Variants in LRP4 observed in about 807,000 individuals in gnomAD.
LRP4 encodes low-density lipoprotein receptor-related protein 4.
A neutral mutation model predicts 220.3 loss-of-function variants in LRP4; 95 were observed. The ratio of observed to expected loss-of-function variants is 0.43; its 90% confidence interval spans 0.37 to 0.51. LRP4 has a LOEUF of 0.51. LRP4 is among the 20% of genes least tolerant of loss of function. LRP4 has a pLI of 0.00. For synonymous variants in LRP4, 903 were observed against 954.6 expected (o/e 0.95, Z 1.00); for missense variants, 1,925 against 2,567.0 (o/e 0.75, Z 5.40).
rs2134838067 is a variant in LRP4 at position 46,890,003 on chromosome 11, C to T, written c.2033G>A (p.Arg678His). Residue 678 changes from arginine to histidine, a missense_variant, in exon 15 of 38, where the codon CGC (arginine) becomes CAC (histidine). Around this residue, in one of 3 missense-constraint regions of LRP4, gnomAD observed 1,244 missense variants for 1,624.9 expected, o/e 0.77. Coordinates refer to ENST00000378623, the MANE Select transcript of LRP4 (RefSeq NM_002334.4). This position sits in a 1 kb window ranked among gnomAD's most constrained non-coding sequence, Gnocchi z 5.3. ...KFTGKNQEII[R>H]NKLHFPMDIH... ...GTCCATAGGGAAGTGGAGTTTGTTG[C>T]GAATGATTTCCTGGTTCTTCCCCGT... 2 of 1,614,058 alleles carry T rather than the reference C, an allele frequency of 1.2e-6. No homozygotes were observed. The highest frequency in any genetic ancestry group is 1.1e-5 in the South Asian group (1 of 91,070).
At chr11:46,906,888 C>T (rs777711453) in intron 1 of LRP4, among the ~76,000 whole-genome samples, 2 of 152,110 alleles carry the variant, frequency 1.3e-5, no homozygotes, top group African/African-American at 2.4e-5. Context: ...TCTCAGCGTC[C>T]GCTGCAGTGA....
chr11:46,883,172 T>C (rs776978513), intron 19 of LRP4, among the ~76,000 whole-genome samples: 6 of 152,206 alleles, frequency 3.9e-5, no homozygotes, highest in Non-Finnish European at 7.3e-5. Context: ...AAAGAAAGAA[T>C]TGAAAAGTTT....
At chr11:46,901,412 T>C (rs943778361) in intron 2 of LRP4, among the ~76,000 whole-genome samples, 1 of 152,220 alleles carries the variant, frequency 6.6e-6, no homozygotes, top group Admixed American at 6.5e-5. Context: ...GAAGTCTTTT[T>C]GGCTGTACAA....
At chr11:46,863,778 T>A (rs1565774898) in intron 36 of LRP4, among the ~76,000 whole-genome samples, 4 of 150,756 alleles carry the variant, frequency 2.7e-5, no homozygotes, top group African/African-American at 9.7e-5. Context: ...AGACAAAAAT[T>A]AAAAAAAATA....
At chr11:46,876,414 C>T (rs764200509) in intron 25 of LRP4, 52 bp downstream of exon 25, 4 of 1,608,926 alleles carry the variant, frequency 2.5e-6, no homozygotes, top group Non-Finnish European at 3.4e-6. Flanking sequence ...CCGTCATAAC[C>T]CCAGCTGAGC....
chr11:46,895,388 A>G, intron 10 of LRP4, 97 bp from the exon 11 acceptor site: 1 of 1,534,156 alleles, frequency 6.5e-7, no homozygotes, highest in Non-Finnish European at 8.9e-7. Context: ...ATCCCCATCT[A>G]CTTTCCAGGC....
chr11:46,866,203 G>A (rs1018212810), intron 34 of LRP4, among the ~76,000 whole-genome samples: 2 of 151,242 alleles, frequency 1.3e-5, no homozygotes, highest in Non-Finnish European at 2.9e-5. Context: ...AACATTAAGA[G>A]TAAATTATAT....
chr11:46,889,346 C>G, intron 16 of LRP4, 65 bp downstream of exon 16: 3 of 1,604,466 alleles, frequency 1.9e-6, no homozygotes, highest in Non-Finnish European at 2.6e-6. Context: ...CACGTCCTAT[C>G]CCTTGTTCCT....
intron 6 of LRP4, 72 bp from the exon 7 acceptor site, chr11:46,898,749 C>G: frequency 6.2e-7 from 1 of 1,607,630 alleles, no homozygotes; most frequent in South Asian, 1.1e-5. Flanking sequence ...AGGCCACAGC[C>G]CCAGAATCCC....
rs780197238 is a variant in LRP4, at chr11:46,890,065, G to A, written c.1971C>T (p.Asp657=). Residue 657 remains aspartate, a synonymous_variant, in exon 15 of 38, where the codon GAC becomes GAT. Coordinates refer to ENST00000378623, the MANE Select transcript of LRP4 (RefSeq NM_002334.4). The surrounding 1 kb of genome is among the most constrained non-coding windows in gnomAD (Gnocchi z 5.3). The part of the protein sequence containing the change: ...TVFEDSLYWT[D]WHTKSINSAN... ...CGCTATTGATGCTCTTGGTGTGCCA[G>A]TCTGTCCAGTACAGGCTGTCTTCAA... The A allele has an allele frequency of 8.1e-6, 13 of 1,614,220 alleles. No homozygotes were observed. The East Asian group carries it at 2.9e-4, about 36-fold the overall frequency.
intron 18 of LRP4, among the ~76,000 whole-genome samples, chr11:46,884,297 G>T (rs1355482977): frequency 1.3e-5 from 2 of 152,116 alleles, no homozygotes; most frequent in Non-Finnish European, 2.9e-5. Flanking sequence ...AACACCCAAA[G>T]ATTTTTTTTA....
intron 1 of LRP4, among the ~76,000 whole-genome samples, chr11:46,906,556 G>A (rs1191116303): frequency 6.6e-6 from 1 of 152,184 alleles, no homozygotes; most frequent in Non-Finnish European, 1.5e-5. Context: ...TGGAGGCTGG[G>A]GTGTGCAGAT....
At chr11:46,868,300 T>C (rs1940756765) in intron 33 of LRP4, among the ~76,000 whole-genome samples, 186 bp from the exon 34 acceptor site, 1 of 152,186 alleles carries the variant, frequency 6.6e-6, no homozygotes, top group South Asian at 2.1e-4. Context: ...TAGCTCTGGA[T>C]GGGACAGCTG....
In LRP4 at chr11:46,873,251, C is replaced by CCAT; in HGVS notation, c.4449-20_4449-18dup. 1 of 1,614,140 alleles carries CCAT rather than the reference C, an allele frequency of 6.2e-7. No individual in the cohort carries two copies. Among genetic ancestry groups the CCAT allele is most frequent in the Non-Finnish European group, 8.5e-7 (1 of 1,180,014 alleles). On this transcript the variant is annotated splice_polypyrimidine_tract_variant and intron_variant, in intron 29 of 37. Transcript: ENST00000378623. The surrounding 1 kb of genome is among the most constrained non-coding windows in gnomAD (Gnocchi z 4.2). ...AAGAGGTACCTGAGACACAACAGTG[C>CCAT]CATCATCATCAAGGCATGGGAAGAC...
chr11:46,896,724 G>T, intron 8 of LRP4, 145 bp downstream of exon 8: 2 of 1,176,328 alleles, frequency 1.7e-6, no homozygotes, highest in Non-Finnish European at 2.5e-6. Context: ...TGTGCTCCAG[G>T]CCATAAGGCC....
chr11:46,878,614 T>C (rs917983828), intron 22 of LRP4, among the ~76,000 whole-genome samples: 1 of 152,018 alleles, frequency 6.6e-6, no homozygotes. Context: ...ATTATGACAA[T>C]GTACTAAGAG....
chr11:46,868,216 G>T, intron 33 of LRP4, 102 bp from the exon 34 acceptor site: 1 of 1,427,816 alleles, frequency 7.0e-7, no homozygotes, highest in Non-Finnish European at 9.8e-7. Flanking sequence ...TCTTTTAGCT[G>T]CCCTAGTCCC....
At chr11:46,909,317 G>C (rs549587992) in intron 1 of LRP4, among the ~76,000 whole-genome samples, 33 of 151,630 alleles carry the variant, frequency 2.2e-4, no homozygotes, top group South Asian at 1.3e-3. Context: ...ATGAGAAAAG[G>C]AGGAATCGGC....
intron 36 of LRP4, among the ~76,000 whole-genome samples, chr11:46,864,064 G>A (rs928411814): frequency 2.0e-5 from 3 of 152,216 alleles, no homozygotes; most frequent in Non-Finnish European, 4.4e-5. Context: ...AAAAGGCTGT[G>A]TTTGTATAAG....
Sources: allele counts gnomAD v4.1 joint callset (sites outside exome capture counted in the v4.1 genomes callset), GRCh38; gene constraint gnomAD v4.1.1; regional missense constraint gnomAD v4.1.1; non-coding constraint Gnocchi (gnomAD v3.1); transcripts MANE v1.5; gene names NCBI Gene and HGNC (gene_info 2026-07-23, HGNC 2026-07-21).